The following ADGRA3 variants were observed in gnomAD, a reference collection of about 807,000 sequenced individuals.
ADGRA3 encodes G-protein coupled receptor 125.
ADGRA3 carries 56 observed loss-of-function variants against 119.8 expected under a neutral mutation model. That is an observed-to-expected ratio of 0.47 (90% CI 0.38 to 0.58). The LOEUF (loss-of-function observed/expected upper bound fraction) is 0.58. ADGRA3 is among the 20% of genes least tolerant of loss of function. The pLI is 0.00. For synonymous variants in ADGRA3, 607 were observed against 623.8 expected (o/e 0.97, Z 0.40); for missense variants, 1,516 against 1,649.0 (o/e 0.92, Z 1.40).
Position 22,442,600 on chromosome 4 carries a change from A to C in ADGRA3, c.920+50T>G, listed in dbSNP as rs768143800. 9.1e-6 allele frequency: 12 copies of C among 1,321,414 alleles called. No individual in the cohort carries two copies. The South Asian group carries it at 1.1e-4, about 13-fold the overall frequency. 81.9% of individuals were successfully genotyped at this position (1,321,414 alleles called of 1,614,324 possible). On this transcript the variant is annotated intron_variant, in intron 7 of 18. Coordinates refer to ENST00000334304, the MANE Select transcript of ADGRA3 (RefSeq NM_145290.4). ...AAACATTACACCTCCAAAAGGATAA[A>C]TAAAATACACAGGCACAATTCTTCA...
At chr4:22,435,587 A>G in intron 9 of ADGRA3, 121 bp from the exon 10 acceptor site, 1 of 839,156 alleles carries the variant, frequency 1.2e-6, no homozygotes, top group Non-Finnish European at 1.7e-6. Flanking sequence ...TTATTTACTC[A>G]TCATGGCCTT....
intron 3 of ADGRA3, among the ~76,000 whole-genome samples, chr4:22,456,750 C>CCT (rs907534621): frequency 6.6e-6 from 1 of 152,148 alleles, no homozygotes; most frequent in African/African-American, 2.4e-5. Context: ...TCCTACTGGT[C>CCT]CTCTCTCTCT....
At chr4:22,443,292 A>G (rs114585002) in intron 6 of ADGRA3, among the ~76,000 whole-genome samples, 2,126 of 152,298 alleles carry the variant, frequency 0.014, 47 homozygotes, top group African/African-American at 0.049. Context: ...CAGAAAAATC[A>G]GAACATTTAA....
chr4:22,390,475 T>A (rs1478121627), intron 17 of ADGRA3, among the ~76,000 whole-genome samples: 3 of 148,162 alleles, frequency 2.0e-5, no homozygotes, highest in African/African-American at 7.5e-5. Flanking sequence ...TATTCAAGTT[T>A]CCCCATCTTC....
chr4:22,455,030 G>C (rs1184421109), intron 3 of ADGRA3, 93 bp from the exon 4 acceptor site: 3 of 815,358 alleles, frequency 3.7e-6, no homozygotes, highest in African/African-American at 1.7e-5. Context: ...CCCAGGTATC[G>C]CACAAGACCT....
In ADGRA3 at chr4:22,474,096, T is replaced by A. The variant is rs145751489; in HGVS notation, c.258-253A>T. 1.7e-3 allele frequency among the ~76,000 whole-genome samples: 259 copies of A among 152,314 alleles called. 1 individual carries two copies. Among genetic ancestry groups the A allele is most frequent in the South Asian group, 7.9e-3 (38 of 4,822 alleles). ...TAATCAAAACTTTAAGAGAGAAAAG[T>A]CAATATGTAATAGCTCTAAGTTCAA... On this transcript the variant is annotated intron_variant, in intron 1 of 18. Coordinates refer to ENST00000334304, the MANE Select transcript of ADGRA3 (RefSeq NM_145290.4).
intron 14 of ADGRA3, among the ~76,000 whole-genome samples, chr4:22,403,293 T>C (rs1481121801): frequency 2.0e-5 from 3 of 151,996 alleles, no homozygotes; most frequent in Admixed American, 6.5e-5. Context: ...GCATAGGGCA[T>C]TGGAGACATA....
chr4:22,510,122 T>G (rs1347277621), intron 1 of ADGRA3, among the ~76,000 whole-genome samples: 3 of 151,944 alleles, frequency 2.0e-5, no homozygotes, highest in Non-Finnish European at 2.9e-5. Context: ...ACAGTCATTC[T>G]CAGACTACAC....
chr4:22,445,130 T>C lies in ADGRA3; in HGVS notation c.549A>G (p.Glu183=). The part of the protein sequence containing the change: ...FDYLASLRSL[E]FQTEYLLCDC... ...CACACAAAAGATACTCAGTCTGGAA[T>C]TCCCTGTAACATGCAAATACAACTT... Residue 183 remains glutamate (E), a synonymous_variant, in exon 6 of 19, where the codon GAA becomes GAG. Transcript: ENST00000334304. The C allele has an allele frequency of 1.9e-6, 3 of 1,613,630 alleles. No homozygotes were observed. Among genetic ancestry groups the C allele is most frequent in the Non-Finnish European group, 2.5e-6 (3 of 1,179,610 alleles).
intron 9 of ADGRA3, among the ~76,000 whole-genome samples, chr4:22,435,718 G>T (rs564985180): frequency 1.3e-5 from 2 of 152,224 alleles, no homozygotes; most frequent in South Asian, 4.2e-4. Flanking sequence ...TTAACATGTT[G>T]CACCATCTAT....
rs547726053 is a variant in ADGRA3, at chr4:22,471,120, G to A, written c.329+2652C>T. Among the ~76,000 whole-genome samples, 6 of 152,276 alleles carry A rather than the reference G, an allele frequency of 3.9e-5. 1 individual carries two copies. The highest frequency in any genetic ancestry group is 1.4e-4 in the African/African-American group (6 of 41,554). On this transcript the variant is annotated intron_variant, in intron 2 of 18. Coordinates refer to ENST00000334304, the MANE Select transcript of ADGRA3 (RefSeq NM_145290.4). ...AAGGAATAAAGTCTGCTCCTCCAGA[G>A]GAGCAGGGAGCACCGAGTGTCTCCC... is the stretch of plus-strand genomic sequence containing the variant.
chr4:22,470,444 G>C (rs1717818986), intron 2 of ADGRA3, among the ~76,000 whole-genome samples: 1 of 151,968 alleles, frequency 6.6e-6, no homozygotes, highest in Non-Finnish European at 1.5e-5. Flanking sequence ...GTTCAACGGA[G>C]CCAGCTCTTA....
In ADGRA3 at chr4:22,515,523, C is replaced by T. The variant is rs763617762; in HGVS notation, c.257+5G>A. On this transcript the variant is annotated splice_donor_5th_base_variant and intron_variant, in intron 1 of 18. Transcript: ENST00000334304. ...AGAGGACCCAGCGTCGCGGGAGATACTCACAGGGTGACCGTGCGGTTGGGC... is the reference window on the plus strand; with the variant it reads ...AGAGGACCCAGCGTCGCGGGAGATATTCACAGGGTGACCGTGCGGTTGGGC... 1.3e-6 allele frequency: 2 copies of T among 1,591,010 alleles called. No individual in the cohort carries two copies. The highest frequency in any genetic ancestry group is 1.7e-5 in the Admixed American group (1 of 59,614).
intron 11 of ADGRA3, among the ~76,000 whole-genome samples, chr4:22,422,190 G>A (rs2109037667): frequency 6.6e-6 from 1 of 152,246 alleles, no homozygotes; most frequent in Non-Finnish European, 1.5e-5. Context: ...CTTTAAGGAT[G>A]ATTAAGTATA....
chr4:22,444,648 C>T lies in ADGRA3; in HGVS notation c.706+325G>A, dbSNP rs1435754081. Among the ~76,000 whole-genome samples the T allele has an allele frequency of 2.0e-5, 3 of 152,234 alleles. No individual in the cohort carries two copies. In the South Asian group the frequency reaches 6.2e-4, roughly 32 times the overall value. Reference sequence around the variant, plus strand: ...TTCCCACCCACACACAGGATGTGGGCATCCTGAGATTGTGTTACTACAGAC... The same window carrying T: ...TTCCCACCCACACACAGGATGTGGGTATCCTGAGATTGTGTTACTACAGAC... On this transcript the variant is annotated intron_variant, in intron 6 of 18. Coordinates refer to ENST00000334304, the MANE Select transcript of ADGRA3 (RefSeq NM_145290.4).
chr4:22,390,402 AAAATACG>A (rs1714084723), intron 17 of ADGRA3, among the ~76,000 whole-genome samples: 18 of 2,442 alleles, frequency 7.4e-3, no homozygotes, highest in African/African-American at 0.02. Flanking sequence ...ATATATATAT[AAAATACG>A]TATTATATAT....
chr4:22,424,330 A>G lies in ADGRA3; in HGVS notation c.1466T>C (p.Ile489Thr), dbSNP rs569186866. 3.6e-5 allele frequency: 58 copies of G among 1,613,624 alleles called. 1 individual carries two copies. In the South Asian group the frequency reaches 5.9e-4, roughly 17 times the overall value. Reference protein sequence around the residue: ...SKELGDVMVDIASNIMLADER... With the variant: ...SKELGDVMVDTASNIMLADER... ...ATCAGCCAACATGATGTTACTTGCAATGTCAACCATCACGTCACCTAGCTA... is the reference window on the plus strand; with the variant it reads ...ATCAGCCAACATGATGTTACTTGCAGTGTCAACCATCACGTCACCTAGCTA... Residue 489 changes from isoleucine (I) to threonine (T), a missense_variant, in exon 11 of 19, where the codon ATT becomes ACT. By Grantham distance (89) the Ile-to-Thr change is moderately conservative. Transcript: ENST00000334304.
intron 10 of ADGRA3, among the ~76,000 whole-genome samples, chr4:22,428,012 AG>A (rs1272910719): frequency 3.3e-5 from 5 of 152,228 alleles, no homozygotes; most frequent in African/African-American, 1.2e-4. Context: ...TGTAAGAGAC[AG>A]GATATTTCAA....
Position 22,497,630 on chromosome 4 carries a change from C to A in ADGRA3, c.257+17898G>T, listed in dbSNP as rs139135906. ...TGAGGTCAGGAGTTCCAGACCAGCC[C>A]GGCCAACATGGTGAAACCCTGTCTC... On this transcript the variant is annotated intron_variant, in intron 1 of 18. Transcript: ENST00000334304. Among the ~76,000 whole-genome samples the A allele has an allele frequency of 4.2e-3, 639 of 151,716 alleles. 8 individuals are homozygous for A. The highest frequency in any genetic ancestry group is 0.015 in the African/African-American group (600 of 41,374).
Sources: allele counts gnomAD v4.1 joint callset (sites outside exome capture counted in the v4.1 genomes callset), GRCh38; gene constraint gnomAD v4.1.1; transcripts MANE v1.5; gene names NCBI Gene and HGNC (gene_info 2026-07-23, HGNC 2026-07-21).